Variants in RFX3 observed in about 807,000 individuals in gnomAD.
RFX3 encodes the protein regulatory factor X3, also known as transcription factor RFX3.
In RFX3, 14 loss-of-function variants were observed where a neutral mutation model predicts 98.6. The observed-to-expected ratio is 0.14, with a 90% CI of 0.09 to 0.22. The LOEUF (loss-of-function observed/expected upper bound fraction) is 0.22, where lower values mean the gene tolerates loss of function less well. Among genes scored for constraint, RFX3 ranks in the 10% least tolerant of loss-of-function variants. The pLI, the probability that RFX3 is intolerant of heterozygous loss-of-function variation, is 1.00. For missense variants in RFX3, 639 were observed against 926.9 expected (o/e 0.69, Z 4.03); for synonymous variants, 383 against 328.4 (o/e 1.17, Z -1.80).
At chr9:3,414,864 ATG>A (rs1842808613) in intron 1 of RFX3, among the ~76,000 whole-genome samples, 1 of 138,094 alleles carries the variant, frequency 7.2e-6, no homozygotes, top group African/African-American at 2.7e-5. Context: ...ATGAGTATAT[ATG>A]TATATATATG....
Position 3,405,059 on chromosome 9 carries a change from T to C in RFX3, c.-8-9463A>G, listed in dbSNP as rs369739278. Among the ~76,000 whole-genome samples, 75 of 152,320 alleles carry C rather than the reference T, an allele frequency of 4.9e-4. 2 individuals carry two copies. The highest frequency in any genetic ancestry group is 1.8e-3 in the African/African-American group (74 of 41,592). ...TTTTCACACTCATTGTACTATCAAA[T>C]TACACTTGAAATTAATGACAATCTC... is the stretch of plus-strand genomic sequence containing the variant. On this transcript the variant is annotated intron_variant, in intron 1 of 16. Coordinates refer to ENST00000617270, the MANE Select transcript of RFX3 (RefSeq NM_001282116.2).
chr9:3,355,600 G>A lies in RFX3; in HGVS notation c.118-8836C>T, dbSNP rs146675000. Reference sequence around the variant, plus strand: ...AAAATTTAAAAATCCAGTTACAATTGGAGACTTCAGCATTCTTTTTTCCAT... The same window carrying A: ...AAAATTTAAAAATCCAGTTACAATTAGAGACTTCAGCATTCTTTTTTCCAT... On this transcript the variant is annotated intron_variant, in intron 2 of 16. Transcript: ENST00000617270. Among the ~76,000 whole-genome samples the A allele has an allele frequency of 4.5e-3, 680 of 151,912 alleles. 6 individuals are homozygous for A. The highest frequency in any genetic ancestry group is 0.016 in the African/African-American group (645 of 41,500).
intron 1 of RFX3, among the ~76,000 whole-genome samples, chr9:3,525,458 C>T (rs983573478): frequency 1.3e-5 from 2 of 152,218 alleles, no homozygotes; most frequent in African/African-American, 4.8e-5. Context: ...GCTCGCAGCC[C>T]CCCAAGCTCC....
At chr9:3,318,236 G>C (rs578171071) in intron 4 of RFX3, among the ~76,000 whole-genome samples, 3 of 152,218 alleles carry the variant, frequency 2.0e-5, no homozygotes, top group South Asian at 2.1e-4. Context: ...CATGGATGAA[G>C]CTAGAAACCA....
chr9:3,398,493 T>C (rs1419461753), intron 1 of RFX3, among the ~76,000 whole-genome samples: 1 of 152,308 alleles, frequency 6.6e-6, no homozygotes, highest in Admixed American at 6.5e-5. Flanking sequence ...ACATTAGATA[T>C]CATCTTCTGT....
intron 1 of RFX3, among the ~76,000 whole-genome samples, chr9:3,456,127 C>G (rs991201431): frequency 3.3e-5 from 5 of 152,182 alleles, no homozygotes; most frequent in African/African-American, 1.2e-4. Flanking sequence ...TACTCCCATT[C>G]ACAAGGGAAG....
intron 1 of RFX3, among the ~76,000 whole-genome samples, chr9:3,455,049 T>G (rs1370294173): frequency 1.3e-5 from 2 of 152,178 alleles, no homozygotes; most frequent in African/African-American, 4.8e-5. Context: ...ACTGGAACTC[T>G]TCCTTAGGTG....
intron 1 of RFX3, among the ~76,000 whole-genome samples, chr9:3,515,176 C>A (rs79440011): frequency 6.6e-6 from 1 of 152,148 alleles, no homozygotes; most frequent in East Asian, 1.9e-4. Flanking sequence ...TGTTACCTTG[C>A]TTATGAACTA....
At chr9:3,509,168 A>G (rs1817418359) in intron 1 of RFX3, among the ~76,000 whole-genome samples, 1 of 152,076 alleles carries the variant, frequency 6.6e-6, no homozygotes, top group African/African-American at 2.4e-5. Context: ...AATAAAGGGC[A>G]GTCCGTTCAT....
chr9:3,427,397 A>G (rs1284480899), intron 1 of RFX3, among the ~76,000 whole-genome samples: 2 of 138,494 alleles, frequency 1.4e-5, no homozygotes, highest in African/African-American at 5.7e-5. Flanking sequence ...TACAATATAT[A>G]TAAATATATA....
chr9:3,513,365 A>G (rs1817827668), intron 1 of RFX3, among the ~76,000 whole-genome samples: 1 of 152,106 alleles, frequency 6.6e-6, no homozygotes, highest in African/African-American at 2.4e-5. Context: ...TCTACATTGT[A>G]CTAGTCACTG....
chr9:3,235,090 G>C (rs1818958473), intron 15 of RFX3, among the ~76,000 whole-genome samples: 2 of 152,242 alleles, frequency 1.3e-5, no homozygotes, highest in Non-Finnish European at 1.5e-5. Context: ...GAAGACGGAA[G>C]AAGTCGAGAA....
intron 1 of RFX3, among the ~76,000 whole-genome samples, chr9:3,464,423 G>T (rs748383865): frequency 1.3e-5 from 2 of 152,020 alleles, no homozygotes; most frequent in Non-Finnish European, 2.9e-5. Context: ...ACCAAATTGC[G>T]GTATAGCCAC....
At chr9:3,238,508 A>C (rs1479728202) in intron 15 of RFX3, among the ~76,000 whole-genome samples, 2 of 152,204 alleles carry the variant, frequency 1.3e-5, no homozygotes, top group African/African-American at 4.8e-5. Context: ...CCTTGGCCTA[A>C]CCCGAGTGTT....
intron 2 of RFX3, among the ~76,000 whole-genome samples, chr9:3,377,710 G>A (rs1471616909): frequency 1.3e-5 from 2 of 152,160 alleles, no homozygotes; most frequent in African/African-American, 4.8e-5. Context: ...ATTTGGATGG[G>A]AGAGGAAAGG....
chr9:3,348,549 A>T (rs773815050), intron 2 of RFX3, among the ~76,000 whole-genome samples: 4 of 151,832 alleles, frequency 2.6e-5, no homozygotes, highest in Non-Finnish European at 5.9e-5. Context: ...AAATCCTTCT[A>T]TAAAGAATAA....
At chr9:3,382,512 C>T (rs961458416) in intron 2 of RFX3, among the ~76,000 whole-genome samples, 6 of 152,104 alleles carry the variant, frequency 3.9e-5, no homozygotes, top group African/African-American at 1.4e-4. Context: ...AAACAAAAAG[C>T]AAAGCCAGAA....
At position 3,225,238 on chromosome 9, in the gene RFX3, T is replaced by G; in HGVS notation, c.2054A>C (p.Asp685Ala). 6.2e-7 allele frequency: 1 copy of G among 1,613,862 alleles called. No homozygotes were observed. The highest frequency in any genetic ancestry group is 8.5e-7 in the Non-Finnish European group (1 of 1,179,912). The change falls in exon 17 of 17, where the codon GAT (aspartate) becomes GCT (alanine). Residue 685 changes from aspartate to alanine, a missense_variant. Asp to Ala is a moderately radical substitution (Grantham distance 126). This residue lies in a region of RFX3 where 129 missense variants were observed against 124.6 expected (regional missense o/e 1.04). Coordinates refer to ENST00000617270, the MANE Select transcript of RFX3 (RefSeq NM_001282116.2). The part of the protein sequence containing the change: ...EVESEMDEEL[D>A]DSSEPQAKRE... ...TTTGGCTTGAGGCTCTGAAGAGTCA[T>G]CCAGTTCTTCATCCATTTCACTTTC...
chr9:3,463,766 T>C (rs986915974), intron 1 of RFX3, among the ~76,000 whole-genome samples: 3 of 150,882 alleles, frequency 2.0e-5, no homozygotes, highest in Non-Finnish European at 4.4e-5. Flanking sequence ...AGCCTAGGAG[T>C]TCAAGACCAG....
Sources: gnomAD v4.1 joint callset for allele counts (sites outside exome capture counted in the v4.1 genomes callset) on GRCh38, gnomAD v4.1.1 for gene constraint, gnomAD v4.1.1 regional missense constraint, MANE v1.5 for transcripts, NCBI Gene and HGNC (gene_info 2026-07-23, HGNC 2026-07-21) for gene names.